Variants in NTF3 observed in about 807,000 individuals in gnomAD.
NTF3 encodes the protein neurotrophin-3.
Under a neutral mutation model 26.3 loss-of-function variants are expected in NTF3, and 8 were observed. The observed-to-expected ratio is 0.30, with a 90% CI of 0.18 to 0.55. NTF3 has a LOEUF of 0.55. Among genes scored for constraint, NTF3 ranks in the 20% least tolerant of loss-of-function variants. NTF3 has a pLI of 0.93. For synonymous variants in NTF3, 154 were observed against 145.5 expected, an observed-to-expected ratio of 1.06 and a Z score of -0.42; for missense variants, 276 against 352.9, an observed-to-expected ratio of 0.78 and a Z score of 1.75.
chr12:5,477,863 CTT>C (rs993292114), intron 1 of NTF3, among the ~76,000 whole-genome samples: 1 of 152,166 alleles, frequency 6.6e-6, no homozygotes, highest in Admixed American at 6.5e-5. Flanking sequence ...TTTCCTGCCT[CTT>C]TTCTTATTCC....
intron 1 of NTF3, among the ~76,000 whole-genome samples, chr12:5,457,861 CTG>C (rs1940471371): frequency 6.6e-6 from 1 of 152,192 alleles, no homozygotes; most frequent in Non-Finnish European, 1.5e-5. Context: ...GCTTGTCTCT[CTG>C]TCATCCGCAG....
chr12:5,446,474 G>C (rs992182528), intron 1 of NTF3, among the ~76,000 whole-genome samples: 15 of 152,142 alleles, frequency 9.9e-5, no homozygotes, highest in African/African-American at 3.6e-4. Context: ...AGCAATCTTG[G>C]GCTGGTCCTT....
intron 1 of NTF3, among the ~76,000 whole-genome samples, chr12:5,493,006 G>A (rs1565398555): frequency 2.0e-5 from 3 of 152,298 alleles, no homozygotes; most frequent in Middle Eastern, 3.4e-3. Flanking sequence ...AGGAAATGAT[G>A]TACCCCCCTG....
intron 1 of NTF3, among the ~76,000 whole-genome samples, chr12:5,492,137 C>T (rs1451979463): frequency 6.6e-6 from 1 of 152,154 alleles, no homozygotes; most frequent in Non-Finnish European, 1.5e-5. Context: ...TTCCAGCCAC[C>T]ACCCATAAAG....
At chr12:5,451,791 T>C (rs970556244) in intron 1 of NTF3, among the ~76,000 whole-genome samples, 1 of 152,204 alleles carries the variant, frequency 6.6e-6, no homozygotes, top group African/African-American at 2.4e-5. Flanking sequence ...ATTCCTGGGC[T>C]CAAGCGATCC....
At chr12:5,455,561 CACACACACACACACACACACACAT>C (rs1269775906) in intron 1 of NTF3, among the ~76,000 whole-genome samples, 6 of 144,230 alleles carry the variant, frequency 4.2e-5, no homozygotes, top group South Asian at 2.4e-4. Context: ...CACACACACA[CACACACACACACACACACACACAT>C]AGCCCCTGTG....
chr12:5,467,838 C>T (rs1316422095), intron 1 of NTF3, among the ~76,000 whole-genome samples: 1 of 152,086 alleles, frequency 6.6e-6, no homozygotes, highest in Non-Finnish European at 1.5e-5. Context: ...TGTTCTCTTC[C>T]CTCCTTCCCT....
chr12:5,482,648 G>A (rs1011339039), intron 1 of NTF3, among the ~76,000 whole-genome samples: 2 of 151,232 alleles, frequency 1.3e-5, no homozygotes, highest in Admixed American at 6.6e-5. Context: ...AGTGTCTTGG[G>A]CTCAACTGAA....
Position 5,494,062 on chromosome 12 carries a change from T to C in NTF3, c.19-132T>C. On this transcript the variant is annotated intron_variant, in intron 1 of 1. Transcript: ENST00000423158. The surrounding 1 kb of genome is among the most constrained non-coding windows in gnomAD (Gnocchi z 8.3). ...CTCTTCAGAATGTCCAGAGGGGAGT[T>C]GCCTTGCTTACCTGGGGGGCGGTAC... 1 of 738,404 alleles carries C rather than the reference T, an allele frequency of 1.4e-6. No individual in the cohort carries two copies. 45.7% of individuals were successfully genotyped at this position (738,404 alleles called of 1,614,324 possible).
In NTF3 at chr12:5,487,673, G is replaced by A. The variant is rs369860114; in HGVS notation, c.19-6521G>A. 1.9e-3 allele frequency among the ~76,000 whole-genome samples: 294 copies of A among 152,292 alleles called. 12 individuals carry two copies. In the South Asian group the frequency reaches 0.059, roughly 31 times the overall value. On this transcript the variant is annotated intron_variant, in intron 1 of 1. Coordinates refer to ENST00000423158, the MANE Select transcript of NTF3 (RefSeq NM_001102654.2). ...ACCATGTATGTTAGTCAGTTTCAGA[G>A]CCCTGAGTTTTAAGTGCTAAGTTTT...
At chr12:5,472,064 A>G (rs1940672040) in intron 1 of NTF3, among the ~76,000 whole-genome samples, 1 of 152,186 alleles carries the variant, frequency 6.6e-6, no homozygotes, top group African/African-American at 2.4e-5. Context: ...TCACCTGGCA[A>G]GAAGTGTATT....
At chr12:5,465,098 A>T (rs1940572979) in intron 1 of NTF3, among the ~76,000 whole-genome samples, 1 of 152,110 alleles carries the variant, frequency 6.6e-6, no homozygotes, top group Non-Finnish European at 1.5e-5. Flanking sequence ...AGGCTCAGAG[A>T]GGTGAATCCA....
At chr12:5,490,307 G>A (rs1044253997) in intron 1 of NTF3, among the ~76,000 whole-genome samples, 20 of 152,188 alleles carry the variant, frequency 1.3e-4, no homozygotes, top group Admixed American at 1.2e-3. Flanking sequence ...AATAGACGTC[G>A]AAAGTCCGCA....
rs180741468 is a variant in NTF3 at position 5,450,844 on chromosome 12, G to T, written c.18+18502G>T. Among the ~76,000 whole-genome samples the T allele has an allele frequency of 1.4e-3, 213 of 152,320 alleles. 1 individual carries two copies. Among genetic ancestry groups the T allele is most frequent in the African/African-American group, 4.8e-3 (201 of 41,564 alleles). The stretch of plus-strand genomic sequence containing the variant: ...TTATAATGTTAATTCTATGAGGACA[G>T]GGCTTTCTGTGGCCTTGCTTCATTG... On this transcript the variant is annotated intron_variant, in intron 1 of 1. Coordinates refer to ENST00000423158, the MANE Select transcript of NTF3 (RefSeq NM_001102654.2).
intron 1 of NTF3, among the ~76,000 whole-genome samples, chr12:5,464,971 C>T (rs1189242072): frequency 6.6e-6 from 1 of 152,176 alleles, no homozygotes; most frequent in Admixed American, 6.5e-5. Context: ...TCGTCTTCTT[C>T]ATTCTTCTCT....
Position 5,464,896 on chromosome 12 carries a change from A to G in NTF3, c.19-29298A>G, listed in dbSNP as rs373803532. ...GACTATGTTAAGATCTTCACTTCTCAGCACCTGAACAACTGGCAGCCTCAT... is the reference window on the plus strand; with the variant it reads ...GACTATGTTAAGATCTTCACTTCTCGGCACCTGAACAACTGGCAGCCTCAT... On this transcript the variant is annotated intron_variant, in intron 1 of 1. Transcript: ENST00000423158. 2.4e-4 allele frequency among the ~76,000 whole-genome samples: 37 copies of G among 152,318 alleles called. No individual in the cohort carries two copies. In the East Asian group the frequency reaches 3.9e-3, roughly 16 times the overall value.
At chr12:5,462,841 A>G (rs1940541153) in intron 1 of NTF3, among the ~76,000 whole-genome samples, 1 of 152,210 alleles carries the variant, frequency 6.6e-6, no homozygotes, top group Non-Finnish European at 1.5e-5. Flanking sequence ...ATGCATAGCC[A>G]TGTGCCAAGG....
At chr12:5,445,524 G>A (rs1940294995) in intron 1 of NTF3, among the ~76,000 whole-genome samples, 1 of 152,128 alleles carries the variant, frequency 6.6e-6, no homozygotes, top group Non-Finnish European at 1.5e-5. Context: ...AATACTCCTT[G>A]GCAAAGCCAA....
intron 1 of NTF3, among the ~76,000 whole-genome samples, chr12:5,490,554 A>G (rs1248216944): frequency 6.6e-6 from 1 of 151,892 alleles, no homozygotes; most frequent in East Asian, 1.9e-4. Flanking sequence ...TCCATTCCCC[A>G]CTCCAGGGAA....
Sources: gnomAD v4.1 joint callset for allele counts (sites outside exome capture counted in the v4.1 genomes callset) on GRCh38, gnomAD v4.1.1 for gene constraint, Gnocchi (gnomAD v3.1) non-coding constraint, MANE v1.5 for transcripts, NCBI Gene and HGNC (gene_info 2026-07-23, HGNC 2026-07-21) for gene names.